Variants in TNKS2 observed in about 807,000 individuals in gnomAD.
TNKS2 encodes the protein tankyrase 2, also known as poly [ADP-ribose] polymerase tankyrase-2.
In TNKS2, 72 loss-of-function variants were observed where a neutral mutation model predicts 137.6. The ratio of observed to expected loss-of-function variants is 0.52; its 90% CI spans 0.43 to 0.64. The LOEUF (loss-of-function observed/expected upper bound fraction) is 0.64. TNKS2 is among the 30% of genes least tolerant of loss of function. The pLI is 0.00. For synonymous variants in TNKS2, 516 were observed against 512.1 expected (o/e 1.01, Z -0.10); for missense variants, 1,049 against 1,410.2 (o/e 0.74, Z 4.10).
intron 1 of TNKS2, among the ~76,000 whole-genome samples, chr10:91,803,798 A>G (rs1844247609): frequency 6.6e-6 from 1 of 152,198 alleles, no homozygotes; most frequent in South Asian, 2.1e-4. Context: ...ATTTTTCCAG[A>G]ACTTTGCCTT....
chr10:91,818,632 A>G (rs1271098466), intron 3 of TNKS2, among the ~76,000 whole-genome samples: 2 of 152,288 alleles, frequency 1.3e-5, no homozygotes, highest in Non-Finnish European at 2.9e-5. Context: ...ATCCAGGCTC[A>G]GGTGATCCTC....
intron 22 of TNKS2, among the ~76,000 whole-genome samples, 169 bp downstream of exon 22, chr10:91,855,295 T>C (rs777841518): frequency 8.5e-5 from 13 of 152,204 alleles, no homozygotes; most frequent in Non-Finnish European, 1.9e-4. Context: ...TAGAAAATAT[T>C]ACTCATGAAT....
intron 12 of TNKS2, among the ~76,000 whole-genome samples, chr10:91,835,276 C>CTTTTTTTTCTTTTTTTTTTCTT (rs1554838002): frequency 3.2e-3 from 455 of 141,314 alleles, no homozygotes; most frequent in African/African-American, 0.011. Context: ...GCCCATTTCT[C>CTTTTTTTTCTTTTTTTTTTCTT]TTTTTTTTCT....
Position 91,865,458 on chromosome 10 carries a change from A to C in TNKS2, c.*2459A>C, listed in dbSNP as rs1009155326. 1.3e-5 allele frequency among the ~76,000 whole-genome samples: 2 copies of C among 152,216 alleles called. No homozygotes were observed. The highest frequency in any genetic ancestry group is 2.9e-5 in the Non-Finnish European group (2 of 68,030). On this transcript the variant is annotated 3_prime_UTR_variant, in exon 27 of 27. Coordinates refer to ENST00000371627, the MANE Select transcript of TNKS2 (RefSeq NM_025235.4). ...ATATTGTAGCTGTACTTGCTCATTA[A>C]AATGAAAGTAGCTGTGAGATGCTTT...
At chr10:91,822,770 C>T (rs1844937226) in intron 7 of TNKS2, among the ~76,000 whole-genome samples, 1 of 152,038 alleles carries the variant, frequency 6.6e-6, no homozygotes, top group Non-Finnish European at 1.5e-5. Context: ...GTTGGCCAGG[C>T]TGGTCTTGAA....
intron 7 of TNKS2, among the ~76,000 whole-genome samples, chr10:91,823,672 T>C (rs889274230): frequency 6.6e-6 from 1 of 151,936 alleles, no homozygotes; most frequent in African/African-American, 2.4e-5. Flanking sequence ...GTAGAAGATA[T>C]ATATTATCTT....
intron 5 of TNKS2, among the ~76,000 whole-genome samples, 159 bp from the exon 6 acceptor site, chr10:91,819,780 T>C (rs1221585334): frequency 6.6e-6 from 1 of 152,250 alleles, no homozygotes; most frequent in African/African-American, 2.4e-5. Context: ...TTGTATACTA[T>C]GCCTTCAATA....
At chr10:91,854,898 C>CAAAA (rs374091607) in intron 21 of TNKS2, 131 bp from the exon 22 acceptor site, 3 of 355,940 alleles carry the variant, frequency 8.4e-6, no homozygotes, top group Admixed American at 5.3e-5. Flanking sequence ...AACTCTGTCT[C>CAAAA]AAAAAAAAAA....
At chr10:91,839,001 G>A (rs867949560) in intron 13 of TNKS2, among the ~76,000 whole-genome samples, 30 of 152,244 alleles carry the variant, frequency 2.0e-4, no homozygotes, top group Admixed American at 9.1e-4. Flanking sequence ...CCGAGTAGCT[G>A]GCATTACAGG....
intron 11 of TNKS2, among the ~76,000 whole-genome samples, chr10:91,832,852 T>C (rs1772178): frequency 0.011 from 1,734 of 152,230 alleles, 29 homozygotes; most frequent in African/African-American, 0.04. Context: ...GTAGAAAGAA[T>C]TTTGCAGAAA....
chr10:91,813,200 T>C lies in TNKS2; in HGVS notation c.417T>C (p.Val139=), dbSNP rs751107868. ...HEAAIKGKID[V]CIVLLQHGAE... ...CTGCAATTAAAGGAAAGATTGATGT[T>C]TGCATTGGTAAGACTGTTTACTTTT... is the stretch of plus-strand genomic sequence containing the variant. Residue 139 remains valine, a synonymous_variant, in exon 2 of 27, where the codon GTT becomes GTC. Transcript: ENST00000371627. The C allele has an allele frequency of 6.2e-7, 1 of 1,613,866 alleles. No homozygotes were observed. The highest frequency in any genetic ancestry group is 1.1e-5 in the South Asian group (1 of 91,052).
intron 20 of TNKS2, 38 bp downstream of exon 20, chr10:91,849,632 A>T (rs776024899): frequency 6.6e-7 from 1 of 1,521,188 alleles, no homozygotes; most frequent in Non-Finnish European, 8.9e-7. Flanking sequence ...TTAGTGTTTT[A>T]TGGAAACTCA....
At position 91,828,334 on chromosome 10, in the gene TNKS2, T is replaced by C. The variant is rs776327504; in HGVS notation, c.1032T>C (p.Val344=). 1.9e-6 allele frequency: 3 copies of C among 1,608,672 alleles called. No homozygotes were observed. The highest frequency in any genetic ancestry group is 2.5e-6 in the Non-Finnish European group (3 of 1,177,962). The part of the protein sequence containing the change: ...SLLQAAREAD[V]TRIKKHLSLE... The stretch of plus-strand genomic sequence containing the variant: ...TGCAAGCTGCACGAGAAGCTGATGT[T>C]ACTCGAATCAAAAAACATCTCTCTC... The change falls in exon 9 of 27, where the codon GTT becomes GTC. Residue 344 remains valine, a synonymous_variant. Coordinates refer to ENST00000371627, the MANE Select transcript of TNKS2 (RefSeq NM_025235.4).
At position 91,841,350 on chromosome 10, in the gene TNKS2, C is replaced by A; in HGVS notation, c.1741C>A (p.His581Asn). The A allele has an allele frequency of 6.2e-7, 1 of 1,607,648 alleles. No individual in the cohort carries two copies. The highest frequency in any genetic ancestry group is 1.1e-5 in the South Asian group (1 of 90,092). ...TGAAGTTGCAGAACTTCTTGTTAAA[C>A]ATGGAGCAGTAGTTAATGTAGCTGA... ...HYEVAELLVK[H>N]GAVVNVADLW... Residue 581 changes from histidine (H) to asparagine (N), a missense_variant, in exon 15 of 27, where the codon CAT (histidine) becomes AAT (asparagine). By Grantham distance (68) the His-to-Asn change is moderately conservative (BLOSUM62 1). Around this residue, in one of 6 missense-constraint regions of TNKS2, gnomAD observed 328 missense variants for 436.0 expected, o/e 0.75. Transcript: ENST00000371627.
chr10:91,851,955 G>A (rs1177163062), intron 21 of TNKS2, among the ~76,000 whole-genome samples: 5 of 152,214 alleles, frequency 3.3e-5, no homozygotes, highest in African/African-American at 4.8e-5. Context: ...GTGGCCAAAC[G>A]CGGTGGCTCA....
At chr10:91,818,571 G>T (rs1192455141) in intron 3 of TNKS2, among the ~76,000 whole-genome samples, 1 of 151,946 alleles carries the variant, frequency 6.6e-6, no homozygotes, top group Admixed American at 6.6e-5. Context: ...TCACTCTGTC[G>T]CCCAGGCTGG....
intron 1 of TNKS2, among the ~76,000 whole-genome samples, chr10:91,807,823 C>G (rs905432202): frequency 2.0e-5 from 3 of 151,790 alleles, no homozygotes; most frequent in Admixed American, 6.6e-5. Flanking sequence ...TGAAACCCCC[C>G]CTTTACTAAA....
intron 7 of TNKS2, among the ~76,000 whole-genome samples, chr10:91,826,206 A>G (rs549963854): frequency 6.6e-6 from 1 of 152,322 alleles, no homozygotes; most frequent in South Asian, 2.1e-4. Flanking sequence ...ATTTTTAATA[A>G]TTTTGTGCAC....
intron 13 of TNKS2, among the ~76,000 whole-genome samples, chr10:91,837,594 A>G (rs1770476): frequency 0.52 from 78,637 of 152,060 alleles, 20,775 homozygotes; most frequent in East Asian, 0.72. Context: ...AGTGGCTCAC[A>G]CCTGTCGGTA....
Sources: gnomAD v4.1 joint callset for allele counts (sites outside exome capture counted in the v4.1 genomes callset) on GRCh38, gnomAD v4.1.1 for gene constraint, gnomAD v4.1.1 regional missense constraint, MANE v1.5 for transcripts, NCBI Gene and HGNC (gene_info 2026-07-23, HGNC 2026-07-21) for gene names.